Variants in C4orf17 observed in about 807,000 individuals in gnomAD.
C4orf17 encodes uncharacterized protein C4orf17.
A neutral mutation model predicts 32.0 loss-of-function variants in C4orf17; 25 were observed. That is an observed-to-expected ratio of 0.78 (90% CI 0.57 to 1.09). C4orf17 has a LOEUF of 1.09. Among genes scored for constraint, C4orf17 ranks in the 50% least tolerant of loss-of-function variants. The pLI is 0.00. For missense variants in C4orf17, 420 were observed against 420.0 expected (o/e 1.00, Z 0.00); for synonymous variants, 149 against 145.8 (o/e 1.02, Z -0.16).
intron 8 of C4orf17, 84 bp from the exon 9 acceptor site, chr4:99,541,826 A>T: frequency 1.0e-6 from 1 of 962,266 alleles, no homozygotes; most frequent in South Asian, 1.5e-5. Context: ...ATAGTTTTTT[A>T]TAGATAATTT....
At chr4:99,538,877 G>A (rs762122482) in intron 6 of C4orf17, among the ~76,000 whole-genome samples, 2 of 152,174 alleles carry the variant, frequency 1.3e-5, no homozygotes, top group African/African-American at 4.8e-5. Context: ...GCAGCAGCCT[G>A]TAAGACTGGC....
chr4:99,524,728 T>A (rs988549512), intron 4 of C4orf17, 143 bp downstream of exon 4: 6 of 548,652 alleles, frequency 1.1e-5, no homozygotes, highest in Non-Finnish European at 1.6e-5. Context: ...TAATATAAGA[T>A]ACACATATTC....
At chr4:99,526,821 G>A (rs1248408713) in intron 4 of C4orf17, among the ~76,000 whole-genome samples, 1 of 151,692 alleles carries the variant, frequency 6.6e-6, no homozygotes, top group Non-Finnish European at 1.5e-5. Flanking sequence ...TTTAATGTTT[G>A]TTCTCTCATT....
intron 7 of C4orf17, 108 bp downstream of exon 7, chr4:99,539,478 C>T (rs947007193): frequency 1.9e-5 from 16 of 843,506 alleles, no homozygotes; most frequent in African/African-American, 3.4e-5. Flanking sequence ...TCTAAAGCTC[C>T]GCTTTATTCA....
At chr4:99,520,428 T>G (rs1051446224) in intron 2 of C4orf17, among the ~76,000 whole-genome samples, 1 of 152,220 alleles carries the variant, frequency 6.6e-6, no homozygotes, top group African/African-American at 2.4e-5. Flanking sequence ...AAACTTTTTT[T>G]CCTATGAAAA....
chr4:99,522,321 T>C (rs1312998055), intron 2 of C4orf17, among the ~76,000 whole-genome samples, 179 bp from the exon 3 acceptor site: 2 of 150,828 alleles, frequency 1.3e-5, no homozygotes, highest in East Asian at 3.9e-4. Flanking sequence ...TCAAAGAATG[T>C]CTACCTTGCA....
intron 5 of C4orf17, among the ~76,000 whole-genome samples, chr4:99,535,313 T>A (rs1723544502): frequency 6.6e-6 from 1 of 152,196 alleles, no homozygotes; most frequent in African/African-American, 2.4e-5. Flanking sequence ...TTCTCCTAGA[T>A]GATATCCTGA....
At position 99,529,828 on chromosome 4, in the gene C4orf17, C is replaced by T; in HGVS notation, c.416C>T (p.Ala139Val). Residue 139 changes from alanine (A) to valine (V), a missense_variant, in exon 5 of 9, where the codon GCC becomes GTC. Coordinates refer to ENST00000326581, the MANE Select transcript of C4orf17 (RefSeq NM_032149.3). ...PLVIKKEEIK[A>V]KRPPSPPKAC... ...CTTTTGATTTAGGAAGAAATTAAGG[C>T]CAAAAGACCACCATCACCTCCAAAG... 6.2e-7 allele frequency: 1 copy of T among 1,608,908 alleles called. No individual in the cohort carries two copies. Among genetic ancestry groups the T allele is most frequent in the South Asian group, 1.1e-5 (1 of 90,172 alleles).
rs537811635 is a variant in C4orf17, at chr4:99,513,028, C to T, written c.-54C>T. On this transcript the variant is annotated 5_prime_UTR_variant, in exon 2 of 9. Coordinates refer to ENST00000326581, the MANE Select transcript of C4orf17 (RefSeq NM_032149.3). ...TGGAAGTGAGGTCAATCAAGTTAGA[C>T]CCCAAAAACTTTTGTGACAACAGTG... 9.5e-4 allele frequency: 1,530 copies of T among 1,607,408 alleles called. 13 individuals carry two copies. The highest frequency in any genetic ancestry group is 9.5e-4 in the South Asian group (86 of 90,574).
intron 2 of C4orf17, among the ~76,000 whole-genome samples, chr4:99,518,287 C>T (rs1723220146): frequency 1.3e-5 from 2 of 151,138 alleles, no homozygotes; most frequent in Admixed American, 6.6e-5. Flanking sequence ...GGCTCAGTAG[C>T]TCACACTTGC....
intron 6 of C4orf17, among the ~76,000 whole-genome samples, chr4:99,538,058 CA>C (rs903891879): frequency 3.3e-5 from 5 of 152,152 alleles, no homozygotes; most frequent in Admixed American, 6.5e-5. Context: ...TCCACACACC[CA>C]GAGGCCTCCC....
intron 4 of C4orf17, among the ~76,000 whole-genome samples, chr4:99,527,744 G>A (rs747244079): frequency 6.6e-6 from 1 of 152,160 alleles, no homozygotes; most frequent in African/African-American, 2.4e-5. Context: ...GGGGACCCTC[G>A]TTCTATAGCC....
intron 5 of C4orf17, chr4:99,536,000 G>A: frequency 2.2e-6 from 1 of 449,378 alleles, no homozygotes; most frequent in Non-Finnish European, 4.5e-6. Context: ...TTTGCTGGGG[G>A]TCTGCTCCAG....
chr4:99,515,024 T>C (rs888759833), intron 2 of C4orf17, among the ~76,000 whole-genome samples: 1 of 152,184 alleles, frequency 6.6e-6, no homozygotes, highest in Non-Finnish European at 1.5e-5. Context: ...AGATCATATG[T>C]TCTCAGTTAC....
chr4:99,534,783 A>G (rs978706316), intron 5 of C4orf17, among the ~76,000 whole-genome samples: 7 of 152,330 alleles, frequency 4.6e-5, no homozygotes, highest in South Asian at 2.1e-4. Context: ...TGATCCTGTC[A>G]CCATGATGCT....
chr4:99,517,103 T>C (rs147214654), intron 2 of C4orf17, among the ~76,000 whole-genome samples: 134 of 152,342 alleles, frequency 8.8e-4, no homozygotes, highest in African/African-American at 3.0e-3. Context: ...GCTGGCTTGC[T>C]CCTCTCCTAG....
chr4:99,524,447 T>A, intron 3 of C4orf17, 74 bp from the exon 4 acceptor site: 1 of 835,432 alleles, frequency 1.2e-6, no homozygotes, highest in Non-Finnish European at 2.0e-6. Flanking sequence ...ATTTCAGCAA[T>A]TGACACATAT....
At chr4:99,518,540 TATATAG>T (rs1488834459) in intron 2 of C4orf17, among the ~76,000 whole-genome samples, 11 of 68,810 alleles carry the variant, frequency 1.6e-4, no homozygotes, top group South Asian at 1.1e-3. Context: ...TATATATATA[TATATAG>T]AGAGAGAGAG....
rs1723449181 is a variant in C4orf17 at position 99,529,866 on chromosome 4, C to G, written c.454C>G (p.Pro152Ala). ...ATCACCTCCAAAGGCATGCTCTACT[C>G]CTGGCTCCTGTTCTTCAGGGATGAC... ...PPSPPKACST[P>A]GSCSSGMTST... The change falls in exon 5 of 9, where the codon CCT becomes GCT. Residue 152 changes from proline to alanine, a missense_variant. Physicochemically the swap from Pro to Ala is conservative, Grantham distance 27 (BLOSUM62 -1). Coordinates refer to ENST00000326581, the MANE Select transcript of C4orf17 (RefSeq NM_032149.3). 1.9e-6 allele frequency: 3 copies of G among 1,613,158 alleles called. No homozygotes were observed. The highest frequency in any genetic ancestry group is 2.2e-5 in the East Asian group (1 of 44,802).
Sources: allele counts gnomAD v4.1 joint callset (sites outside exome capture counted in the v4.1 genomes callset), GRCh38; gene constraint gnomAD v4.1.1; transcripts MANE v1.5; gene names NCBI Gene and HGNC (gene_info 2026-07-23, HGNC 2026-07-21).